The following CCNJ variants were observed in gnomAD, a reference collection of about 807,000 sequenced individuals.
CCNJ encodes cyclin J.
A neutral mutation model predicts 41.4 loss-of-function variants in CCNJ; 12 were observed. The observed-to-expected ratio is 0.29, with a 90% CI of 0.19 to 0.47. The LOEUF (loss-of-function observed/expected upper bound fraction) is 0.47, where lower values mean the gene tolerates loss of function less well. CCNJ is among the 20% of genes least tolerant of loss of function. CCNJ has a pLI of 1.00. For synonymous variants in CCNJ, 161 were observed against 173.4 expected, an observed-to-expected ratio of 0.93 and a Z score of 0.56; for missense variants, 340 against 464.6, an observed-to-expected ratio of 0.73 and a Z score of 2.47.
rs1310592262 is a variant in CCNJ, at chr10:96,057,326, T to C, written c.740+79T>C. The C allele has an allele frequency of 4.8e-6, 6 of 1,246,302 alleles. No individual in the cohort carries two copies. In the East Asian group the frequency reaches 1.4e-4, roughly 29 times the overall value. The allele number at this position is 1,246,302 out of a possible 1,614,324, so 77.2% of individuals were successfully genotyped here. On this transcript the variant is annotated intron_variant, in intron 5 of 5. Transcript: ENST00000465148. The stretch of plus-strand genomic sequence containing the variant: ...TATGAGGTGCCCTGAAAACAGCTTC[T>C]GAAAGGCACAGAGTTCCTAGGTTAT...
At chr10:96,053,677 C>G (rs1377684736) in intron 3 of CCNJ, among the ~76,000 whole-genome samples, 2 of 152,122 alleles carry the variant, frequency 1.3e-5, no homozygotes, top group African/African-American at 2.4e-5. Flanking sequence ...GGAGTCAAGA[C>G]AAAGTGAAAA....
chr10:96,058,978 A>C lies in CCNJ; in HGVS notation c.*737A>C, dbSNP rs2080763919. On this transcript the variant is annotated 3_prime_UTR_variant, in exon 6 of 6. Coordinates refer to ENST00000465148, the MANE Select transcript of CCNJ (RefSeq NM_001134375.2). ...AACTCAGGGAATTTGTACTACTTGG[A>C]AACACTTAACTGTAATGCAACATGC... 1 of 152,986 alleles carries C rather than the reference A, an allele frequency of 6.5e-6. No homozygotes were observed. The highest frequency in any genetic ancestry group is 2.4e-5 in the African/African-American group (1 of 41,482). The allele number at this position is 152,986 out of a possible 1,614,324, so 9.5% of individuals were successfully genotyped here.
At chr10:96,049,530 C>T (rs566081258) in intron 2 of CCNJ, among the ~76,000 whole-genome samples, 2 of 108,122 alleles carry the variant, frequency 1.8e-5, no homozygotes, top group African/African-American at 3.6e-5. Context: ...CTTTTGGTAT[C>T]GTATCCCTGT....
At chr10:96,048,443 G>GTAAGTT in intron 2 of CCNJ, among the ~76,000 whole-genome samples, 1 of 152,158 alleles carries the variant, frequency 6.6e-6, no homozygotes, top group East Asian at 1.9e-4. Flanking sequence ...CTTGCCAGCA[G>GTAAGTT]CTGTCATAAC....
chr10:96,052,851 ATTC>A (rs2080567903), intron 3 of CCNJ, among the ~76,000 whole-genome samples: 1 of 152,122 alleles, frequency 6.6e-6, no homozygotes, highest in Non-Finnish European at 1.5e-5. Context: ...TATGTGAGGT[ATTC>A]TTCAGGATTT....
intron 2 of CCNJ, among the ~76,000 whole-genome samples, chr10:96,045,313 T>TA (rs201296556): frequency 5.3e-4 from 80 of 152,258 alleles, no homozygotes; most frequent in African/African-American, 1.8e-3. Context: ...TCACCTTGGA[T>TA]AAAGAAAGCC....
rs2080515278 is a variant in CCNJ at position 96,051,281 on chromosome 10, C to T, written c.280+815C>T. 3.9e-5 allele frequency among the ~76,000 whole-genome samples: 6 copies of T among 151,930 alleles called. No individual in the cohort carries two copies. The South Asian group carries it at 1.0e-3, about 26-fold the overall frequency. On this transcript the variant is annotated intron_variant, in intron 3 of 5. Transcript: ENST00000465148. ...TCTTCCTATACCTCATTTCATTGCT[C>T]GTTGGTACTCTCACTGAAGATAGGG... is the stretch of plus-strand genomic sequence containing the variant.
At chr10:96,056,295 C>T (rs994616843) in intron 3 of CCNJ, among the ~76,000 whole-genome samples, 24 of 147,608 alleles carry the variant, frequency 1.6e-4, no homozygotes, top group Non-Finnish European at 6.0e-5. Flanking sequence ...GGCGACAGAG[C>T]AAGACTCCAT....
intron 3 of CCNJ, among the ~76,000 whole-genome samples, chr10:96,050,980 A>G (rs955995230): frequency 2.6e-5 from 4 of 152,232 alleles, no homozygotes; most frequent in Non-Finnish European, 5.9e-5. Context: ...ACAGTTTCCC[A>G]TAACAAAATT....
Position 96,058,094 on chromosome 10 carries a change from T to G in CCNJ, c.1005T>G (p.Ser335Arg). Reference protein sequence around the residue: ...LQTCPAGFQTSVQGLGHMQTG... With the variant: ...LQTCPAGFQTRVQGLGHMQTG... ...CATGTCCTGCTGGCTTCCAAACTAG[T>G]GTTCAGGGCCTTGGGCACATGCAGA... The change falls in exon 6 of 6, where the codon AGT (serine) becomes AGG (arginine). Residue 335 changes from serine to arginine, a missense_variant. Physicochemically the swap from Ser to Arg is moderately radical, Grantham distance 110 (BLOSUM62 -1). This residue lies in a region of CCNJ where 159 missense variants were observed against 168.2 expected (regional missense o/e 0.95). Transcript: ENST00000465148. 1 of 1,614,194 alleles carries G rather than the reference T, an allele frequency of 6.2e-7. No individual in the cohort carries two copies. Among genetic ancestry groups the G allele is most frequent in the Non-Finnish European group, 8.5e-7 (1 of 1,180,036 alleles).
At chr10:96,053,100 G>T (rs2080575239) in intron 3 of CCNJ, among the ~76,000 whole-genome samples, 1 of 151,772 alleles carries the variant, frequency 6.6e-6, no homozygotes, top group Admixed American at 6.6e-5. Context: ...GAAGCCGTAG[G>T]TGGTTTGGCC....
intron 3 of CCNJ, among the ~76,000 whole-genome samples, chr10:96,052,130 A>G (rs1048298986): frequency 1.3e-5 from 2 of 152,134 alleles, no homozygotes; most frequent in Non-Finnish European, 2.9e-5. Context: ...ATGCTTGTAC[A>G]TTTATAATTA....
chr10:96,057,065 G>C, intron 4 of CCNJ, 23 bp from the exon 5 acceptor site: 1 of 1,613,906 alleles, frequency 6.2e-7, no homozygotes, highest in South Asian at 1.1e-5. Flanking sequence ...TGTTCCTTAA[G>C]TTCATTTTTG....
At chr10:96,054,797 G>A (rs2080634190) in intron 3 of CCNJ, among the ~76,000 whole-genome samples, 1 of 152,168 alleles carries the variant, frequency 6.6e-6, no homozygotes, top group Admixed American at 6.5e-5. Flanking sequence ...GAGATAATAT[G>A]AAACATTCTT....
chr10:96,047,924 C>T lies in CCNJ; in HGVS notation c.70-2332C>T, dbSNP rs140745521. ...CATCCACTAGCTATTCTTCCTGATC[C>T]TCTTCCTCCTCCCACCCCCACCCTC... On this transcript the variant is annotated intron_variant, in intron 2 of 5. Coordinates refer to ENST00000465148, the MANE Select transcript of CCNJ (RefSeq NM_001134375.2). Among the ~76,000 whole-genome samples the T allele has an allele frequency of 5.3e-3, 803 of 151,986 alleles. 6 individuals are homozygous for T. Among genetic ancestry groups the T allele is most frequent in the South Asian group, 0.013 (61 of 4,794 alleles).
chr10:96,058,786 AT>A lies in CCNJ; in HGVS notation c.*552del. On this transcript the variant is annotated 3_prime_UTR_variant, in exon 6 of 6. Coordinates refer to ENST00000465148, the MANE Select transcript of CCNJ (RefSeq NM_001134375.2). ...GCTATACCAATCTGCAGTAAAAAAA[AT>A]TTTTTTAGATGATTCTATATAACTT... The A allele has an allele frequency of 1.3e-5, 4 of 302,770 alleles. No individual in the cohort carries two copies. Among genetic ancestry groups the A allele is most frequent in the Non-Finnish European group, 2.4e-5 (4 of 166,862 alleles). The allele number at this position is 302,770 out of a possible 1,614,324, so 18.8% of individuals were successfully genotyped here.
rs1163592638 is a variant in CCNJ at position 96,058,637 on chromosome 10, C to T, written c.*396C>T. 1.5e-5 allele frequency: 6 copies of T among 401,738 alleles called. No homozygotes were observed. Among genetic ancestry groups the T allele is most frequent in the Non-Finnish European group, 2.6e-5 (6 of 228,118 alleles). The allele number at this position is 401,738 out of a possible 1,614,324, so 24.9% of individuals were successfully genotyped here. ...ATGTTTATCTCATCTATGGACTTGC[C>T]AAACAGTCTTTTATGAAGGAAAGTT... On this transcript the variant is annotated 3_prime_UTR_variant, in exon 6 of 6. Transcript: ENST00000465148.
chr10:96,057,027 G>A (rs1327022023), intron 4 of CCNJ, 27 bp downstream of exon 4: 3 of 1,612,424 alleles, frequency 1.9e-6, no homozygotes, highest in Non-Finnish European at 2.5e-6. Flanking sequence ...ACCAGTAAGT[G>A]ACTTGTGCAC....
At chr10:96,052,668 T>C (rs895520128) in intron 3 of CCNJ, among the ~76,000 whole-genome samples, 1 of 152,206 alleles carries the variant, frequency 6.6e-6, no homozygotes, top group Non-Finnish European at 1.5e-5. Context: ...TGTGACTCTT[T>C]CCAGTAATTA....
Sources: gnomAD v4.1 joint callset for allele counts (sites outside exome capture counted in the v4.1 genomes callset) on GRCh38, gnomAD v4.1.1 for gene constraint, gnomAD v4.1.1 regional missense constraint, MANE v1.5 for transcripts, NCBI Gene and HGNC (gene_info 2026-07-23, HGNC 2026-07-21) for gene names.